The following MCF2L variants were observed in gnomAD, a reference collection of about 807,000 sequenced individuals.
MCF2L encodes the protein MCF.2 cell line derived transforming sequence like, also known as guanine nucleotide exchange factor DBS.
In MCF2L, 97 loss-of-function variants were observed where a neutral mutation model predicts 153.4. The observed-to-expected ratio is 0.63, with a 90% CI of 0.54 to 0.75. The LOEUF is 0.75. Ranked by LOEUF, MCF2L falls within the 30% of genes least tolerant of loss-of-function variation. The probability of loss-of-function intolerance (pLI) is 0.00; values close to 1 mark genes in which losing one functional copy is unlikely to be tolerated. For missense variants in MCF2L, 1,347 were observed against 1,495.2 expected, an observed-to-expected ratio of 0.90 and a Z score of 1.64; for synonymous variants, 659 against 632.2, an observed-to-expected ratio of 1.04 and a Z score of -0.64.
chr13:113,036,435 TG>T (rs1156866629), intron 3 of MCF2L, among the ~76,000 whole-genome samples: 1 of 152,232 alleles, frequency 6.6e-6, no homozygotes, highest in African/African-American at 2.4e-5. Flanking sequence ...CTCTGTGCTC[TG>T]GGGGGCTTTT....
chr13:113,074,521 G>GCGCCTGGCGCATGTGGAC lies in MCF2L; in HGVS notation c.1075_1076insGCCTGGCGCATGTGGACC (p.Glu358_His359insArgLeuAlaHisValAsp). ...TCGGCAACAGCCTGGCGCATGTGGA[G>GCGCCTGGCGCATGTGGAC]CACCTGCTGAGGGACCTGGCCAGCT... On this transcript the variant is annotated inframe_insertion, in exon 10 of 30. Coordinates refer to ENST00000535094, the MANE Select transcript of MCF2L (RefSeq NM_001112732.3). This position sits in a 1 kb window ranked among gnomAD's most constrained non-coding sequence, Gnocchi z 4.2. 1 of 1,614,088 alleles carries GCGCCTGGCGCATGTGGAC rather than the reference G, an allele frequency of 6.2e-7. No homozygotes were observed. Among genetic ancestry groups the GCGCCTGGCGCATGTGGAC allele is most frequent in the Non-Finnish European group, 8.5e-7 (1 of 1,180,024 alleles).
Position 112,982,237 on chromosome 13 carries a change from C to T in MCF2L, c.79+12779C>T, listed in dbSNP as rs1487992163. Among the ~76,000 whole-genome samples, 3 of 152,138 alleles carry T rather than the reference C, an allele frequency of 2.0e-5. 1 individual carries two copies. Among genetic ancestry groups the T allele is most frequent in the South Asian group, 4.1e-4 (2 of 4,828 alleles). ...CTAGTAATGGAGGCCGTGCCCACCTCGTGAAGGGGATTTCTGAGCTGGGGC... is the reference window on the plus strand; with the variant it reads ...CTAGTAATGGAGGCCGTGCCCACCTTGTGAAGGGGATTTCTGAGCTGGGGC... On this transcript the variant is annotated intron_variant, in intron 1 of 29. Transcript: ENST00000535094.
rs534013898 is a variant in MCF2L at position 113,028,996 on chromosome 13, G to T, written c.278+4238G>T. Among the ~76,000 whole-genome samples the T allele has an allele frequency of 4.6e-5, 7 of 151,990 alleles. No homozygotes were observed. In the East Asian group the frequency reaches 1.2e-3, roughly 25 times the overall value. On this transcript the variant is annotated intron_variant, in intron 3 of 29. Coordinates refer to ENST00000535094, the MANE Select transcript of MCF2L (RefSeq NM_001112732.3). The surrounding 1 kb of genome is among the most constrained non-coding windows in gnomAD (Gnocchi z 5.4). ...TGAGTGTGGGGTGTGGTGTGTGGGG[G>T]GTGTGTGTGAGCGTGAGTGTATGCG...
intron 1 of MCF2L, chr13:113,001,984 G>C (rs371755391): frequency 1.6e-5 from 25 of 1,580,654 alleles, no homozygotes; most frequent in African/African-American, 2.7e-5. Flanking sequence ...GCCGGCGCAG[G>C]TGCGTGGGGC....
intron 1 of MCF2L, among the ~76,000 whole-genome samples, chr13:112,972,351 GT>G (rs1205383244): frequency 3.0e-4 from 38 of 128,250 alleles, no homozygotes; most frequent in Non-Finnish European, 5.8e-4. Context: ...GGATGGATGT[GT>G]AAGTGGGTGG....
rs906308910 is a variant in MCF2L, at chr13:113,035,602, C to T, written c.279-9669C>T. 1.3e-5 allele frequency among the ~76,000 whole-genome samples: 2 copies of T among 152,230 alleles called. No individual in the cohort carries two copies. Among genetic ancestry groups the T allele is most frequent in the Non-Finnish European group, 2.9e-5 (2 of 68,048 alleles). ...TTCCATGAGGATGCGGTTCCCGTGT[C>T]CCCCAGGACAGCTTCGTGGCCGGCC... On this transcript the variant is annotated intron_variant, in intron 3 of 29. Transcript: ENST00000535094. This position sits in a 1 kb window ranked among gnomAD's most constrained non-coding sequence, Gnocchi z 4.4.
chr13:113,014,481 G>GTC (rs1421113326), intron 1 of MCF2L, among the ~76,000 whole-genome samples: 2 of 152,148 alleles, frequency 1.3e-5, no homozygotes, highest in African/African-American at 4.8e-5. Flanking sequence ...CTCTGCCCAG[G>GTC]TCTCTCTCTT....
intron 3 of MCF2L, chr13:113,044,834 G>C: frequency 6.2e-7 from 1 of 1,612,938 alleles, no homozygotes; most frequent in South Asian, 1.1e-5. Context: ...GCCACCACGA[G>C]TGAATCCTTA....
chr13:113,093,957 C>T (rs1023252357), intron 26 of MCF2L: 3 of 152,332 alleles, frequency 2.0e-5, no homozygotes, highest in African/African-American at 7.2e-5. Context: ...GAGCCCATCT[C>T]CACCGCGGCA....
intron 26 of MCF2L, chr13:113,090,460 G>A (rs372679863): frequency 9.1e-5 from 33 of 363,528 alleles, no homozygotes; most frequent in Admixed American, 7.3e-4. Flanking sequence ...GCCTTCTCCC[G>A]CCTTCTCAGG....
intron 2 of MCF2L, among the ~76,000 whole-genome samples, chr13:112,923,257 C>CTTT (rs57030206): frequency 0.014 from 1,103 of 78,414 alleles, 1 homozygote; most frequent in East Asian, 0.018. Context: ...GTGTTTGCTT[C>CTTT]TTTTTTTTTT....
chr13:112,916,476 C>T (rs541779653), intron 2 of MCF2L, among the ~76,000 whole-genome samples: 44 of 152,142 alleles, frequency 2.9e-4, no homozygotes, highest in Non-Finnish European at 5.7e-4. Context: ...AGTCTCCGCA[C>T]GTCCGCGCTC....
chr13:112,896,796 T>G (rs2081072094), intron 1 of MCF2L, among the ~76,000 whole-genome samples: 1 of 152,200 alleles, frequency 6.6e-6, no homozygotes, highest in African/African-American at 2.4e-5. Flanking sequence ...TGCATCTTGG[T>G]GACAGCATCC....
chr13:112,953,667 T>G (rs926360716), intron 2 of MCF2L, among the ~76,000 whole-genome samples: 5 of 152,210 alleles, frequency 3.3e-5, no homozygotes, highest in African/African-American at 4.8e-5. Context: ...CAGTCTATGT[T>G]TTGTCTGCCC....
chr13:113,091,627 G>C (rs4907486), intron 26 of MCF2L, among the ~76,000 whole-genome samples: 1 of 151,708 alleles, frequency 6.6e-6, no homozygotes, highest in African/African-American at 2.4e-5. Flanking sequence ...GGGCCGACCC[G>C]GACCCTCCTT....
chr13:113,081,971 G>C (rs1359307164), intron 16 of MCF2L, among the ~76,000 whole-genome samples: 3 of 148,434 alleles, frequency 2.0e-5, no homozygotes, highest in African/African-American at 7.6e-5. Context: ...GTGCACATGT[G>C]ATCACCTGAG....
chr13:113,050,460 T>C (rs1258586423), intron 4 of MCF2L, among the ~76,000 whole-genome samples: 1 of 151,524 alleles, frequency 6.6e-6, no homozygotes, highest in Non-Finnish European at 1.5e-5. Flanking sequence ...GCCACAACTC[T>C]CTTTCCTGTA....
chr13:113,036,452 G>A (rs570171035), intron 3 of MCF2L, among the ~76,000 whole-genome samples: 17 of 152,302 alleles, frequency 1.1e-4, no homozygotes, highest in African/African-American at 3.1e-4. Flanking sequence ...CTTTTCCTAC[G>A]AGCTTTGCGT....
chr13:112,925,846 C>T (rs140274087), intron 2 of MCF2L, among the ~76,000 whole-genome samples: 11 of 152,172 alleles, frequency 7.2e-5, no homozygotes, highest in South Asian at 2.1e-4. Flanking sequence ...TTACATTAAA[C>T]GTATTTTAAA....
Sources: allele counts gnomAD v4.1 joint callset (sites outside exome capture counted in the v4.1 genomes callset), GRCh38; gene constraint gnomAD v4.1.1; non-coding constraint Gnocchi (gnomAD v3.1); transcripts MANE v1.5; gene names NCBI Gene and HGNC (gene_info 2026-07-23, HGNC 2026-07-21).